The following EVA1B variants were observed in gnomAD, a reference collection of about 807,000 sequenced individuals.
The protein encoded by EVA1B is protein eva-1 homolog B.
EVA1B carries 2 observed loss-of-function variants against 4.6 expected under a neutral mutation model. The ratio of observed to expected loss-of-function variants is 0.43; its 90% CI spans 0.18 to 1.37. The LOEUF is 1.37. EVA1B is among the 40% of genes most tolerant of loss of function. The probability of loss-of-function intolerance (pLI) is 0.28; values close to 1 mark genes in which losing one functional copy is unlikely to be tolerated. For missense variants in EVA1B, 263 were observed against 240.4 expected, an observed-to-expected ratio of 1.09 and a Z score of -0.62; for synonymous variants, 124 against 115.8, an observed-to-expected ratio of 1.07 and a Z score of -0.46.
upstream of EVA1B, chr1:36,323,762 C>G (rs1479972785): frequency 6.6e-6 from 1 of 152,172 alleles, no homozygotes; most frequent in Admixed American, 6.5e-5. Flanking sequence ...GCCGTCCGTC[C>G]CCCACAGGAA....
Position 36,322,161 on chromosome 1 carries a change from C to T in EVA1B, c.*134G>A, listed in dbSNP as rs1646473820. The stretch of plus-strand genomic sequence containing the variant: ...CTGGCAGGACTGGGGAAGGGAGCCT[C>T]TCAGGGGGTGGCGGTCCACGCCCAG... On this transcript the variant is annotated 3_prime_UTR_variant, in exon 3 of 3. Transcript: ENST00000490466. 7.4e-7 allele frequency: 1 copy of T among 1,359,552 alleles called. No homozygotes were observed. The highest frequency in any genetic ancestry group is 1.6e-5 in the South Asian group (1 of 62,102). The allele number at this position is 1,359,552 out of a possible 1,614,324, so 84.2% of individuals were successfully genotyped here.
Position 36,323,047 on chromosome 1 carries a change from G to A in EVA1B, c.-10C>T, listed in dbSNP as rs763549976. ...TTCGCGGGGCATCCATGCTGCTCTG[G>A]GGGGCAGCTCCCCTACCAGCCTGCG... On this transcript the variant is annotated 5_prime_UTR_variant, in exon 2 of 3. Transcript: ENST00000490466. 2.4e-5 allele frequency: 39 copies of A among 1,600,268 alleles called. 1 individual carries two copies. The South Asian group carries it at 3.9e-4, about 16-fold the overall frequency.
chr1:36,323,079 G>A lies in EVA1B; in HGVS notation c.-30-12C>T, dbSNP rs1463649793. The A allele has an allele frequency of 2.5e-6, 4 of 1,586,970 alleles. No homozygotes were observed. Among genetic ancestry groups the A allele is most frequent in the Non-Finnish European group, 3.4e-6 (4 of 1,170,122 alleles). On this transcript the variant is annotated splice_polypyrimidine_tract_variant and intron_variant, in intron 1 of 2. Coordinates refer to ENST00000490466, the MANE Select transcript of EVA1B (RefSeq NM_001304762.2). ...GCTCCCCTACCAGCCTGCGAGGTCA[G>A]CAAAGTCAGATCCTTCTCCCAGCCT...
chr1:36,323,754 C>G (rs550904189), upstream of EVA1B: 5 of 152,184 alleles, frequency 3.3e-5, no homozygotes, highest in Admixed American at 3.3e-4. Context: ...GCCCGCGGGC[C>G]GTCCGTCCCC....
chr1:36,322,425 T>C lies in EVA1B; in HGVS notation c.368A>G (p.Gln123Arg). 1 of 1,602,786 alleles carries C rather than the reference T, an allele frequency of 6.2e-7. No individual in the cohort carries two copies. Residue 123 changes from glutamine (Q) to arginine (R), a missense_variant, in exon 3 of 3, where the codon CAG becomes CGG. Transcript: ENST00000490466. The part of the protein sequence containing the change: ...FTSAEELERA[Q>R]RLEERERILR... ...GATCCGTTCGCGCTCCTCCAGCCGC[T>C]GCGCCCGCTCCAGCTCCTCCGCCGA...
Position 36,322,629 on chromosome 1 carries a change from G to C in EVA1B, c.164C>G (p.Pro55Arg), listed in dbSNP as rs1646486117. The C allele has an allele frequency of 3.2e-6, 5 of 1,545,538 alleles. No homozygotes were observed. Among genetic ancestry groups the C allele is most frequent in the Non-Finnish European group, 4.4e-6 (5 of 1,147,298 alleles). ...CLLVISISWA[P>R]RPRPRGPAQR... ...AGCCGGGCCCCGGGGCCGCGGGCGG[G>C]GCGCCCACGAGATGCTGATGACGAG... is the stretch of plus-strand genomic sequence containing the variant. The change falls in exon 3 of 3, where the codon CCC becomes CGC. Residue 55 changes from proline (P) to arginine (R), a missense_variant. Transcript: ENST00000490466.
Position 36,322,313 on chromosome 1 carries a change from G to A in EVA1B, c.480C>T (p.Gly160=). Residue 160 remains glycine (G), a synonymous_variant, in exon 3 of 3, where the codon GGC becomes GGT. Transcript: ENST00000490466. ...GPSPTATGTL[G]RMHYY ...GGGCCCATCAGTAATAGTGCATGCGGCCCAGGGTGCCCGTGGCCGTGGGGC... is the reference window on the plus strand; with the variant it reads ...GGGCCCATCAGTAATAGTGCATGCGACCCAGGGTGCCCGTGGCCGTGGGGC... 6.5e-7 allele frequency: 1 copy of A among 1,548,642 alleles called. No homozygotes were observed. Among genetic ancestry groups the A allele is most frequent in the Non-Finnish European group, 8.6e-7 (1 of 1,156,424 alleles).
In EVA1B at chr1:36,322,561, C is replaced by T. The variant is rs773010275; in HGVS notation, c.232G>A (p.Asp78Asn). 6.3e-7 allele frequency: 1 copy of T among 1,592,306 alleles called. No homozygotes were observed. Among genetic ancestry groups the T allele is most frequent in the South Asian group, 1.1e-5 (1 of 89,726 alleles). The stretch of plus-strand genomic sequence containing the variant: ...ACCGTGTCCTCCTCGTCCTCGTCGT[C>T]GTCCTCGGGCTCCAGGGTGCTGCTG... The part of the protein sequence containing the change: ...PRSSTLEPED[D>N]DEDEEDTVTR... Residue 78 changes from aspartate (D) to asparagine (N), a missense_variant, in exon 3 of 3, where the codon GAC becomes AAC. Asp to Asn is a conservative substitution (Grantham distance 23). Transcript: ENST00000490466.
intron 2 of EVA1B, 52 bp downstream of exon 2, chr1:36,322,919 A>G: frequency 6.3e-7 from 1 of 1,591,510 alleles, no homozygotes; most frequent in Admixed American, 1.8e-5. Context: ...AGGGAAGGGG[A>G]TGGTGGTCAG....
Position 36,323,044 on chromosome 1 carries a change from CT to C in EVA1B, c.-8del. 1.3e-6 allele frequency: 2 copies of C among 1,599,752 alleles called. No homozygotes were observed. The highest frequency in any genetic ancestry group is 1.7e-6 in the Non-Finnish European group (2 of 1,175,912). On this transcript the variant is annotated 5_prime_UTR_variant, in exon 2 of 3. Transcript: ENST00000490466. ...CCCTTCGCGGGGCATCCATGCTGCT[CT>C]GGGGGGCAGCTCCCCTACCAGCCTG...
At position 36,322,587 on chromosome 1, in the gene EVA1B, C is replaced by A; in HGVS notation, c.206G>T (p.Arg69Leu). 6.4e-7 allele frequency: 1 copy of A among 1,569,614 alleles called. No homozygotes were observed. Among genetic ancestry groups the A allele is most frequent in the Non-Finnish European group, 8.6e-7 (1 of 1,162,568 alleles). Reference protein sequence around the residue: ...PRGPAQRRDPRSSTLEPEDDD... With the variant: ...PRGPAQRRDPLSSTLEPEDDD... ...GTCCTCGGGCTCCAGGGTGCTGCTG[C>A]GGGGGTCCCGGCGCTGAGCCGGGCC... Residue 69 changes from arginine (R) to leucine (L), a missense_variant, in exon 3 of 3, where the codon CGC (arginine) becomes CTC (leucine). By Grantham distance (102) the Arg-to-Leu change is moderately radical. Transcript: ENST00000490466.
Position 36,322,313 on chromosome 1 carries a change from G to C in EVA1B, c.480C>G (p.Gly160=). Residue 160 remains glycine (G), a synonymous_variant, in exon 3 of 3, where the codon GGC becomes GGG. Coordinates refer to ENST00000490466, the MANE Select transcript of EVA1B (RefSeq NM_001304762.2). ...GPSPTATGTL[G]RMHYY is the part of the protein sequence containing the mutation. ...GGGCCCATCAGTAATAGTGCATGCGGCCCAGGGTGCCCGTGGCCGTGGGGC... is the reference window on the plus strand; with the variant it reads ...GGGCCCATCAGTAATAGTGCATGCGCCCCAGGGTGCCCGTGGCCGTGGGGC... The C allele has an allele frequency of 6.5e-6, 10 of 1,548,642 alleles. No individual in the cohort carries two copies. Among genetic ancestry groups the C allele is most frequent in the Non-Finnish European group, 7.8e-6 (9 of 1,156,424 alleles).
chr1:36,322,165 G>C lies in EVA1B; in HGVS notation c.*130C>G, dbSNP rs952719178. The C allele has an allele frequency of 5.2e-6, 7 of 1,357,286 alleles. No homozygotes were observed. Among genetic ancestry groups the C allele is most frequent in the Non-Finnish European group, 5.7e-6 (6 of 1,046,718 alleles). 84.1% of individuals were successfully genotyped at this position (1,357,286 alleles called of 1,614,324 possible). On this transcript the variant is annotated 3_prime_UTR_variant, in exon 3 of 3. Transcript: ENST00000490466. ...CAGGACTGGGGAAGGGAGCCTCTCA[G>C]GGGGTGGCGGTCCACGCCCAGTAGC...
At chr1:36,323,138 C>T in intron 1 of EVA1B, 71 bp from the exon 2 acceptor site, 1 of 1,349,796 alleles carries the variant, frequency 7.4e-7, no homozygotes, top group Non-Finnish European at 1.0e-6. Flanking sequence ...CGGGCAGCTC[C>T]TCTCCCGGGA....
rs1361912114 is a variant in EVA1B, at chr1:36,322,207, G to A, written c.*88C>T. 1.4e-6 allele frequency: 2 copies of A among 1,394,464 alleles called. No homozygotes were observed. Among genetic ancestry groups the A allele is most frequent in the Non-Finnish European group, 9.3e-7 (1 of 1,072,946 alleles). The allele number at this position is 1,394,464 out of a possible 1,614,324, so 86.4% of individuals were successfully genotyped here. ...CCCAGTAGCACCTGGGAGCTGTGGG[G>A]GCCGAGGCAGTCCGAAGGTGTGGGG... On this transcript the variant is annotated 3_prime_UTR_variant, in exon 3 of 3. Transcript: ENST00000490466.
chr1:36,323,363 C>G lies in EVA1B; in HGVS notation c.-31+96G>C, dbSNP rs775763068. 4.9e-4 allele frequency: 137 copies of G among 279,006 alleles called. 1 individual carries two copies. The highest frequency in any genetic ancestry group is 1.2e-3 in the Admixed American group (23 of 18,504). 17.3% of individuals were successfully genotyped at this position (279,006 alleles called of 1,614,324 possible). A position where few individuals can be genotyped will look rare whatever the true frequency, so the allele number is the denominator to read the frequency against. On this transcript the variant is annotated intron_variant, in intron 1 of 2. Coordinates refer to ENST00000490466, the MANE Select transcript of EVA1B (RefSeq NM_001304762.2). ...GGGATGGAGGATAGGGACGCTGAGC[C>G]TCCACGCCCCAGGCGGGCTCCGGGA... is the stretch of plus-strand genomic sequence containing the variant.
intron 2 of EVA1B, 102 bp from the exon 3 acceptor site, chr1:36,322,827 C>G (rs113936116): frequency 1.3e-6 from 2 of 1,487,092 alleles, no homozygotes; most frequent in Non-Finnish European, 1.8e-6. Flanking sequence ...AGGCCTGTAA[C>G]CCCTACTCGA....
chr1:36,323,012 T>A lies in EVA1B; in HGVS notation c.26A>T (p.Glu9Val). The change falls in exon 2 of 3, where the codon GAG (glutamate) becomes GTG (valine). Residue 9 changes from glutamate to valine, a missense_variant. Glu to Val is a moderately radical substitution (Grantham distance 121, BLOSUM62 -2). Transcript: ENST00000490466. The part of the protein sequence containing the change: MDAPRRDM[E>V]LLSNSLAAYA... Reference sequence around the variant, plus strand: ...GGCAGCCAGGCTGTTGCTGAGCAACTCCATGTCCCTTCGCGGGGCATCCAT... The same window carrying A: ...GGCAGCCAGGCTGTTGCTGAGCAACACCATGTCCCTTCGCGGGGCATCCAT... The A allele has an allele frequency of 6.3e-7, 1 of 1,599,378 alleles. No individual in the cohort carries two copies. Among genetic ancestry groups the A allele is most frequent in the East Asian group, 2.2e-5 (1 of 44,558 alleles).
At position 36,322,592 on chromosome 1, in the gene EVA1B, G is replaced by T; in HGVS notation, c.201C>A (p.Asp67Glu). The change falls in exon 3 of 3, where the codon GAC becomes GAA. Residue 67 changes from aspartate (D) to glutamate (E), a missense_variant. Physicochemically the swap from Asp to Glu is conservative, Grantham distance 45 (BLOSUM62 2). Coordinates refer to ENST00000490466, the MANE Select transcript of EVA1B (RefSeq NM_001304762.2). Reference sequence around the variant, plus strand: ...CGGGCTCCAGGGTGCTGCTGCGGGGGTCCCGGCGCTGAGCCGGGCCCCGGG... The same window carrying T: ...CGGGCTCCAGGGTGCTGCTGCGGGGTTCCCGGCGCTGAGCCGGGCCCCGGG... ...PRPRGPAQRRDPRSSTLEPED... is the reference protein window; with the variant it reads ...PRPRGPAQRREPRSSTLEPED... The T allele has an allele frequency of 6.4e-7, 1 of 1,566,814 alleles. No homozygotes were observed. Among genetic ancestry groups the T allele is most frequent in the Non-Finnish European group, 8.6e-7 (1 of 1,160,884 alleles).
Sources: allele counts gnomAD v4.1 joint callset, GRCh38; gene constraint gnomAD v4.1.1; transcripts MANE v1.5; gene names NCBI Gene and HGNC (gene_info 2026-07-23, HGNC 2026-07-21).